Variants in HERC2 observed in about 807,000 individuals in gnomAD.
HERC2 encodes HECT and RLD domain containing E3 ubiquitin protein ligase 2.
A neutral mutation model predicts 537.7 loss-of-function variants in HERC2; 102 were observed. That is an observed-to-expected ratio of 0.19 (90% CI 0.16 to 0.22). The LOEUF (loss-of-function observed/expected upper bound fraction) is 0.22, where lower values mean the gene tolerates loss of function less well. Ranked by LOEUF, HERC2 falls within the 10% of genes least tolerant of loss-of-function variation. The pLI is 1.00. For synonymous variants in HERC2, 2,224 were observed against 2,466.2 expected (o/e 0.90, Z 2.91); for missense variants, 4,236 against 6,198.2 (o/e 0.68, Z 10.63).
chr15:28,134,270 C>T (rs531058487), intron 79 of HERC2, among the ~76,000 whole-genome samples: 61 of 152,256 alleles, frequency 4.0e-4, no homozygotes, highest in South Asian at 2.1e-3. Flanking sequence ...TTTCTGGTTA[C>T]GTATATGTAT....
chr15:28,216,602 C>T (rs993308082), intron 38 of HERC2, among the ~76,000 whole-genome samples: 3 of 149,920 alleles, frequency 2.0e-5, no homozygotes, highest in African/African-American at 7.4e-5. Context: ...TGCCTTCCTT[C>T]AGCACACTCA....
chr15:28,240,145 G>A (rs1035931649), intron 23 of HERC2, among the ~76,000 whole-genome samples: 3 of 152,096 alleles, frequency 2.0e-5, no homozygotes, highest in Non-Finnish European at 2.9e-5. Flanking sequence ...ATCAGAGGGC[G>A]CAGTGGCTCA....
intron 9 of HERC2, 45 bp from the exon 10 acceptor site, chr15:28,270,913 T>C (rs757393249): frequency 6.4e-7 from 1 of 1,562,356 alleles, no homozygotes; most frequent in East Asian, 2.3e-5. Flanking sequence ...GTGGGAAAAA[T>C]TAAAGTTAAC....
At chr15:28,138,143 T>TTA (rs1890836760) in intron 78 of HERC2, among the ~76,000 whole-genome samples, 1 of 152,326 alleles carries the variant, frequency 6.6e-6, no homozygotes, top group Admixed American at 6.5e-5. Flanking sequence ...TCCTGAGGTT[T>TTA]AAGGAAAGAC....
intron 79 of HERC2, among the ~76,000 whole-genome samples, chr15:28,134,842 T>C (rs1890461631): frequency 6.6e-6 from 1 of 151,966 alleles, no homozygotes. Context: ...GGCTAATTTT[T>C]TTCTATTTTT....
intron 55 of HERC2, among the ~76,000 whole-genome samples, chr15:28,189,503 ATTATCTTTCATTT>A (rs1184276775): frequency 1.3e-5 from 2 of 152,240 alleles, no homozygotes; most frequent in Non-Finnish European, 2.9e-5. Flanking sequence ...TAAATTCAAT[ATTATCTTTCATTT>A]TTATAGTTTG....
chr15:28,258,756 T>A (rs2075337200), intron 16 of HERC2, among the ~76,000 whole-genome samples: 1 of 151,708 alleles, frequency 6.6e-6, no homozygotes, highest in African/African-American at 2.4e-5. Context: ...TCAATGAGAT[T>A]GAAAGCAAAA....
chr15:28,114,729 A>G lies in HERC2; in HGVS notation c.13796T>C (p.Met4599Thr). ...ACTTGGCACTGTGAAGGGCAGGCTC[A>G]TGGCTTCAAACTCCTCTGAGGTGGC... Reference protein sequence around the residue: ...NEATSEEFEAMSLPFTVPSAS... With the variant: ...NEATSEEFEATSLPFTVPSAS... Residue 4599 changes from methionine (M) to threonine (T), a missense_variant, in exon 90 of 93, where the codon ATG (methionine) becomes ACG (threonine). By Grantham distance (81) the Met-to-Thr change is moderately conservative. This residue lies in a region of HERC2 where 313 missense variants were observed against 462.6 expected (regional missense o/e 0.68). Coordinates refer to ENST00000261609, the MANE Select transcript of HERC2 (RefSeq NM_004667.6). 6.2e-7 allele frequency: 1 copy of G among 1,614,122 alleles called. No individual in the cohort carries two copies. Among genetic ancestry groups the G allele is most frequent in the Non-Finnish European group, 8.5e-7 (1 of 1,180,022 alleles).
intron 2 of HERC2, among the ~76,000 whole-genome samples, chr15:28,306,157 G>C (rs1027861773): frequency 5.9e-5 from 9 of 152,208 alleles, no homozygotes; most frequent in African/African-American, 1.9e-4. Flanking sequence ...AGATCTTAGA[G>C]GAAAGGCTTT....
Position 28,263,476 on chromosome 15 carries a change from AAC to A in HERC2, c.1871-309_1871-308del, listed in dbSNP as rs2075467750. Among the ~76,000 whole-genome samples, 4 of 152,232 alleles carry A rather than the reference AAC, an allele frequency of 2.6e-5. No homozygotes were observed. In the South Asian group the frequency reaches 8.3e-4, roughly 32 times the overall value. ...AGAACCAAAGGCCCACTGCCTCCAT[AAC>A]ACACAGTAACTGGGGCCTGGCACAT... On this transcript the variant is annotated intron_variant, in intron 14 of 92. Coordinates refer to ENST00000261609, the MANE Select transcript of HERC2 (RefSeq NM_004667.6).
Position 28,215,805 on chromosome 15 carries a change from GC to G in HERC2, c.6029-4del. 1 of 1,584,858 alleles carries G rather than the reference GC, an allele frequency of 6.3e-7. No individual in the cohort carries two copies. Among genetic ancestry groups the G allele is most frequent in the South Asian group, 1.1e-5 (1 of 89,154 alleles). ...GTACACCAGCCTGTTTGGAGAAGCT[GC>G]AGGAGGGAAAATAGACATGCTTGGT... On this transcript the variant is annotated splice_polypyrimidine_tract_variant and splice_region_variant and intron_variant, in intron 38 of 92. Transcript: ENST00000261609.
intron 4 of HERC2, among the ~76,000 whole-genome samples, chr15:28,282,001 G>A (rs1041811795): frequency 1.1e-4 from 16 of 152,120 alleles, no homozygotes; most frequent in Middle Eastern, 3.2e-3. Context: ...TGCTTATTCC[G>A]TCGCAATCCT....
rs1251446871 is a variant in HERC2, at chr15:28,122,231, G to A, written c.13189-802C>T. 1.3e-5 allele frequency among the ~76,000 whole-genome samples: 2 copies of A among 152,242 alleles called. No homozygotes were observed. The highest frequency in any genetic ancestry group is 2.9e-5 in the Non-Finnish European group (2 of 68,040). The stretch of plus-strand genomic sequence containing the variant: ...GTGAGGACCCAGCCGTTCCCCAGGA[G>A]GGAGCAGGTCGGCCATGCCCGTGGG... On this transcript the variant is annotated intron_variant, in intron 85 of 92. Coordinates refer to ENST00000261609, the MANE Select transcript of HERC2 (RefSeq NM_004667.6). The surrounding 1 kb of genome is among the most constrained non-coding windows in gnomAD (Gnocchi z 4.1).
intron 5 of HERC2, among the ~76,000 whole-genome samples, chr15:28,275,407 C>A (rs981447398): frequency 6.6e-6 from 1 of 152,220 alleles, no homozygotes; most frequent in Admixed American, 6.5e-5. Flanking sequence ...TAGCCTGGCT[C>A]GCCCCAGCTC....
At chr15:28,258,829 A>C (rs1367348728) in intron 16 of HERC2, among the ~76,000 whole-genome samples, 3 of 152,058 alleles carry the variant, frequency 2.0e-5, no homozygotes, top group Admixed American at 2.0e-4. Context: ...AAATTGAAAA[A>C]CTCTAGGAAA....
At chr15:28,153,203 C>T (rs1172123846) in intron 69 of HERC2, among the ~76,000 whole-genome samples, 1 of 152,048 alleles carries the variant, frequency 6.6e-6, no homozygotes, top group Admixed American at 6.6e-5. Context: ...AAAATAAAAA[C>T]TTAGTTGGGC....
chr15:28,227,852 G>C (rs1596282793), intron 35 of HERC2, among the ~76,000 whole-genome samples: 2 of 152,014 alleles, frequency 1.3e-5, no homozygotes, highest in African/African-American at 2.4e-5. Context: ...AAATAACCCA[G>C]ACACAAAGGC....
At chr15:28,163,617 C>T (rs531038925) in intron 68 of HERC2, among the ~76,000 whole-genome samples, 2 of 152,320 alleles carry the variant, frequency 1.3e-5, no homozygotes, top group African/African-American at 4.8e-5. Context: ...AATGAAGCTG[C>T]ATCCTGTATA....
intron 83 of HERC2, among the ~76,000 whole-genome samples, chr15:28,128,169 C>T (rs954005818): frequency 6.6e-6 from 1 of 152,160 alleles, no homozygotes; most frequent in African/African-American, 2.4e-5. Flanking sequence ...CCCAGGAAGA[C>T]GAGGAAGTGA....
Sources: gnomAD v4.1 joint callset for allele counts (sites outside exome capture counted in the v4.1 genomes callset) on GRCh38, gnomAD v4.1.1 for gene constraint, gnomAD v4.1.1 regional missense constraint, Gnocchi (gnomAD v3.1) non-coding constraint, MANE v1.5 for transcripts, NCBI Gene and HGNC (gene_info 2026-07-23, HGNC 2026-07-21) for gene names.